ARHGAP35: variants seen among roughly 807,000 people sequenced by gnomAD.
The protein encoded by ARHGAP35 is Rho GTPase activating protein 35, also known as rho GTPase-activating protein 35.
A neutral mutation model predicts 111.1 loss-of-function variants in ARHGAP35; 15 were observed. The ratio of observed to expected loss-of-function variants is 0.13; its 90% CI spans 0.09 to 0.21. The LOEUF is 0.21. Among genes scored for constraint, ARHGAP35 ranks in the 10% least tolerant of loss-of-function variants. The pLI is 1.00. For synonymous variants in ARHGAP35, 643 were observed against 710.3 expected (o/e 0.91, Z 1.51); for missense variants, 1,262 against 1,873.0 (o/e 0.67, Z 6.02).
intron 3 of ARHGAP35, among the ~76,000 whole-genome samples, chr19:46,976,481 T>A (rs1424153699): frequency 1.3e-5 from 2 of 152,152 alleles, no homozygotes; most frequent in African/African-American, 2.4e-5. Flanking sequence ...CAAGGAGAAG[T>A]AGAGCTTGTT....
In ARHGAP35 at chr19:47,001,071, C is replaced by CT. The variant is rs1449272139; in HGVS notation, c.*384dup. On this transcript the variant is annotated 3_prime_UTR_variant, in exon 7 of 7. Transcript: ENST00000672722. The surrounding 1 kb of genome is among the most constrained non-coding windows in gnomAD (Gnocchi z 5.4). ...GGCCTTTGCCGGGGAGGAGGATGCT[C>CT]TGAGATTCAGGGTGGGGCTGGCAAC... The CT allele has an allele frequency of 7.6e-7, 1 of 1,313,028 alleles. No individual in the cohort carries two copies. The highest frequency in any genetic ancestry group is 9.9e-7 in the Non-Finnish European group (1 of 1,010,904). 81.3% of individuals were successfully genotyped at this position (1,313,028 alleles called of 1,614,324 possible). A position where few individuals can be genotyped will look rare whatever the true frequency, so the allele number is the denominator to read the frequency against.
In ARHGAP35 at chr19:46,980,145, G is replaced by T. The variant is rs144283583; in HGVS notation, c.3827-7844G>T. On this transcript the variant is annotated intron_variant, in intron 3 of 6. Coordinates refer to ENST00000672722, the MANE Select transcript of ARHGAP35 (RefSeq NM_004491.5). ...CATGCCTGTAATCCCAGCACTTTGG[G>T]AGGCAAAGGTGGGCGGACCACCTGA... 8.3e-4 allele frequency among the ~76,000 whole-genome samples: 127 copies of T among 152,276 alleles called. No homozygotes were observed. The Middle Eastern group carries it at 0.02, about 24-fold the overall frequency.
At chr19:46,861,342 G>GC (rs1408972741) in intron 1 of ARHGAP35, among the ~76,000 whole-genome samples, 133 bp downstream of exon 1, 35 of 147,580 alleles carry the variant, frequency 2.4e-4, no homozygotes, top group African/African-American at 8.4e-4. Context: ...GGGGAGGAGC[G>GC]GCCCCCCCCC....
intron 2 of ARHGAP35, among the ~76,000 whole-genome samples, chr19:46,923,001 G>T (rs1290802046): frequency 1.3e-5 from 2 of 151,852 alleles, no homozygotes; most frequent in Admixed American, 6.6e-5. Flanking sequence ...TTTTATTTAG[G>T]GATCACAAAT....
intron 1 of ARHGAP35, among the ~76,000 whole-genome samples, chr19:46,891,383 A>AT (rs1486299669): frequency 2.7e-5 from 4 of 146,980 alleles, no homozygotes; most frequent in Admixed American, 2.7e-4. Flanking sequence ...TCAATCTCTC[A>AT]TTTTTGGCCA....
intron 3 of ARHGAP35, among the ~76,000 whole-genome samples, chr19:46,978,376 G>A (rs1162127413): frequency 6.6e-6 from 1 of 152,126 alleles, no homozygotes; most frequent in Non-Finnish European, 1.5e-5. Context: ...CTTAATGCTT[G>A]GGAGGAATCT....
chr19:46,888,314 ATAT>A (rs2056005721), intron 1 of ARHGAP35, among the ~76,000 whole-genome samples: 18 of 61,642 alleles, frequency 2.9e-4, no homozygotes, highest in African/African-American at 6.2e-4. Context: ...ATATATATAT[ATAT>A]AAAATATTGA....
At chr19:46,933,161 C>T (rs1265882971) in intron 2 of ARHGAP35, among the ~76,000 whole-genome samples, 32 of 94,210 alleles carry the variant, frequency 3.4e-4, no homozygotes, top group Middle Eastern at 6.8e-3. Context: ...TTTTTTTTTC[C>T]GAGACAGGGT....
At chr19:46,998,634 A>T (rs1321077645) in intron 5 of ARHGAP35, among the ~76,000 whole-genome samples, 1 of 152,238 alleles carries the variant, frequency 6.6e-6, no homozygotes, top group Non-Finnish European at 1.5e-5. Flanking sequence ...GTGGGGACTC[A>T]TGGAACTGGG....
chr19:46,914,061 A>T (rs1053128437), intron 1 of ARHGAP35, among the ~76,000 whole-genome samples: 2 of 152,216 alleles, frequency 1.3e-5, no homozygotes, highest in African/African-American at 4.8e-5. Flanking sequence ...TATTTCCTCT[A>T]AACCAAGTGT....
intron 3 of ARHGAP35, among the ~76,000 whole-genome samples, chr19:46,970,343 A>C (rs1339588977): frequency 1.3e-5 from 2 of 152,198 alleles, no homozygotes; most frequent in Admixed American, 1.3e-4. Flanking sequence ...TGAGGAACCC[A>C]GTGCAGTGTA....
Position 47,001,831 on chromosome 19 carries a change from G to T in ARHGAP35, c.*1143G>T, listed in dbSNP as rs1353306809. On this transcript the variant is annotated 3_prime_UTR_variant, in exon 7 of 7. Coordinates refer to ENST00000672722, the MANE Select transcript of ARHGAP35 (RefSeq NM_004491.5). The surrounding 1 kb of genome is among the most constrained non-coding windows in gnomAD (Gnocchi z 5.4). The stretch of plus-strand genomic sequence containing the variant: ...GCCAGGTGCACTTGGGGTTGGGGTT[G>T]GTGTGTTGGGTGTTGAAGTGGAATC... 5.1e-6 allele frequency: 1 copy of T among 196,908 alleles called. No homozygotes were observed. The highest frequency in any genetic ancestry group is 1.0e-5 in the Non-Finnish European group (1 of 96,070). The allele number at this position is 196,908 out of a possible 1,614,324, so 12.2% of individuals were successfully genotyped here. A position where few individuals can be genotyped will look rare whatever the true frequency, so the allele number is the denominator to read the frequency against.
At chr19:46,972,300 G>A (rs191459830) in intron 3 of ARHGAP35, among the ~76,000 whole-genome samples, 8 of 152,228 alleles carry the variant, frequency 5.3e-5, no homozygotes, top group Non-Finnish European at 1.2e-4. Context: ...GTGAGCCACC[G>A]CTCCCGGCCA....
chr19:46,889,545 G>A (rs2056013837), intron 1 of ARHGAP35, among the ~76,000 whole-genome samples: 2 of 152,212 alleles, frequency 1.3e-5, no homozygotes, highest in South Asian at 4.2e-4. Context: ...GCCTTAGGTG[G>A]TATACATAGC....
At chr19:46,946,981 C>A (rs113133115) in intron 3 of ARHGAP35, 7 of 152,210 alleles carry the variant, frequency 4.6e-5, no homozygotes, top group African/African-American at 1.7e-4. Context: ...ATGGTGCCTT[C>A]TTTATTTGCC....
At chr19:46,959,633 C>T (rs1179569490) in intron 3 of ARHGAP35, among the ~76,000 whole-genome samples, 2 of 151,242 alleles carry the variant, frequency 1.3e-5, no homozygotes, top group Admixed American at 6.6e-5. Context: ...CTCCTGACCT[C>T]GGGTGATCCA....
intron 1 of ARHGAP35, among the ~76,000 whole-genome samples, chr19:46,873,269 G>A (rs943302222): frequency 2.6e-5 from 4 of 152,156 alleles, no homozygotes; most frequent in Non-Finnish European, 4.4e-5. Context: ...ATGGTGGATA[G>A]ATAGAGCTGA....
At chr19:46,891,107 T>C (rs189647313) in intron 1 of ARHGAP35, among the ~76,000 whole-genome samples, 82 of 152,276 alleles carry the variant, frequency 5.4e-4, no homozygotes, top group African/African-American at 1.8e-3. Context: ...TGGGTAGCCT[T>C]GGCCAGGTCA....
intron 1 of ARHGAP35, among the ~76,000 whole-genome samples, chr19:46,892,718 G>C (rs2056031733): frequency 6.7e-6 from 1 of 149,630 alleles, no homozygotes; most frequent in Non-Finnish European, 1.5e-5. Context: ...GAGGAAGTAA[G>C]AAGTAAGAAA....
Sources: gnomAD v4.1 joint callset for allele counts (sites outside exome capture counted in the v4.1 genomes callset) on GRCh38, gnomAD v4.1.1 for gene constraint, Gnocchi (gnomAD v3.1) non-coding constraint, MANE v1.5 for transcripts, NCBI Gene and HGNC (gene_info 2026-07-23, HGNC 2026-07-21) for gene names.